Variants in CCSER1 observed in about 807,000 individuals in gnomAD.
CCSER1 encodes serine-rich coiled-coil domain-containing protein 1.
CCSER1 carries 41 observed loss-of-function variants against 82.0 expected under a neutral mutation model. The observed-to-expected ratio is 0.50, with a 90% CI of 0.39 to 0.65. The LOEUF (loss-of-function observed/expected upper bound fraction) is 0.65. Ranked by LOEUF, CCSER1 falls within the 30% of genes least tolerant of loss-of-function variation. The probability of loss-of-function intolerance (pLI) is 0.00; values close to 1 mark genes in which losing one functional copy is unlikely to be tolerated. For missense variants in CCSER1, 1,119 were observed against 1,064.2 expected, an observed-to-expected ratio of 1.05 and a Z score of -0.72; for synonymous variants, 414 against 383.9, an observed-to-expected ratio of 1.08 and a Z score of -0.92.
intron 7 of CCSER1, among the ~76,000 whole-genome samples, chr4:90,730,227 ACAT>A (rs1193674881): frequency 6.6e-6 from 1 of 152,240 alleles, no homozygotes; most frequent in Non-Finnish European, 1.5e-5. Context: ...GACCTTCACA[ACAT>A]CATCTGTTGT....
At chr4:91,453,156 G>A (rs939482832) in intron 10 of CCSER1, among the ~76,000 whole-genome samples, 2 of 151,890 alleles carry the variant, frequency 1.3e-5, no homozygotes, top group South Asian at 4.1e-4. Context: ...GTTTTGTTTG[G>A]TAGTAGTTCA....
chr4:91,400,355 G>T (rs193184068), intron 10 of CCSER1, among the ~76,000 whole-genome samples: 1 of 151,560 alleles, frequency 6.6e-6, no homozygotes, highest in Non-Finnish European at 1.5e-5. Flanking sequence ...GTACTAAGAA[G>T]GGCTCAGATT....
At chr4:90,548,366 A>C (rs1777044455) in intron 5 of CCSER1, among the ~76,000 whole-genome samples, 1 of 152,100 alleles carries the variant, frequency 6.6e-6, no homozygotes, top group Non-Finnish European at 1.5e-5. Context: ...TTCAATCTTT[A>C]GGGCCTACTT....
At chr4:91,589,105 G>C (rs913227432) in intron 10 of CCSER1, among the ~76,000 whole-genome samples, 16 of 151,872 alleles carry the variant, frequency 1.1e-4, no homozygotes, top group African/African-American at 3.4e-4. Context: ...AAAGTAGTTT[G>C]CATTACATTA....
intron 10 of CCSER1, among the ~76,000 whole-genome samples, chr4:91,530,828 C>CA (rs1760993103): frequency 6.6e-6 from 1 of 151,852 alleles, no homozygotes; most frequent in African/African-American, 2.4e-5. Flanking sequence ...GCTGGGATTA[C>CA]AGGCATGCGC....
At chr4:90,818,037 G>A (rs1207752437) in intron 8 of CCSER1, among the ~76,000 whole-genome samples, 1 of 151,730 alleles carries the variant, frequency 6.6e-6, no homozygotes, top group African/African-American at 2.4e-5. Context: ...CTTTCTCATG[G>A]GTTTCTGATT....
chr4:90,753,234 G>A (rs1417402503), intron 7 of CCSER1, among the ~76,000 whole-genome samples: 2 of 152,082 alleles, frequency 1.3e-5, no homozygotes, highest in African/African-American at 4.8e-5. Flanking sequence ...AGATTCCCCT[G>A]TTGCCTCTCT....
At chr4:90,592,502 C>T (rs559876445) in intron 5 of CCSER1, among the ~76,000 whole-genome samples, 166 of 152,198 alleles carry the variant, frequency 1.1e-3, no homozygotes, top group Admixed American at 1.6e-3. Flanking sequence ...AGAATTTGTG[C>T]TCAATTTTGG....
chr4:91,501,087 T>C (rs1759183839), intron 10 of CCSER1, among the ~76,000 whole-genome samples: 1 of 151,882 alleles, frequency 6.6e-6, no homozygotes, highest in African/African-American at 2.4e-5. Context: ...CCCTATATTA[T>C]TAGATGTATA....
chr4:90,306,810 G>A (rs552902668), intron 1 of CCSER1, among the ~76,000 whole-genome samples: 33 of 152,298 alleles, frequency 2.2e-4, no homozygotes, highest in African/African-American at 6.5e-4. Context: ...GGGAGAGATC[G>A]TATTACAGTT....
intron 8 of CCSER1, among the ~76,000 whole-genome samples, chr4:90,870,900 T>C (rs1266407545): frequency 6.6e-6 from 1 of 150,888 alleles, no homozygotes; most frequent in Non-Finnish European, 1.5e-5. Context: ...ATTTTGGTTT[T>C]CTTTATGGCT....
At chr4:91,230,867 C>T (rs1403538646) in intron 10 of CCSER1, among the ~76,000 whole-genome samples, 2 of 151,528 alleles carry the variant, frequency 1.3e-5, no homozygotes, top group African/African-American at 2.4e-5. Flanking sequence ...CATTAGGTTT[C>T]GAATAAAACA....
intron 10 of CCSER1, among the ~76,000 whole-genome samples, chr4:91,380,840 A>G (rs1750829502): frequency 6.6e-6 from 1 of 152,100 alleles, no homozygotes; most frequent in South Asian, 2.1e-4. Context: ...TCTTCCCAGC[A>G]TGAATGTTCT....
intron 10 of CCSER1, among the ~76,000 whole-genome samples, chr4:91,568,213 C>T (rs1188223306): frequency 9.2e-5 from 14 of 151,942 alleles, no homozygotes; most frequent in African/African-American, 2.2e-4. Flanking sequence ...CTGAGAGGTT[C>T]GCTGTTAGCC....
intron 10 of CCSER1, among the ~76,000 whole-genome samples, chr4:91,471,785 C>A (rs1198794506): frequency 1.3e-5 from 2 of 151,826 alleles, no homozygotes; most frequent in Non-Finnish European, 1.5e-5. Flanking sequence ...CTGGCTAATA[C>A]AGTGAAACCT....
chr4:90,731,608 A>G (rs1744760625), intron 7 of CCSER1, among the ~76,000 whole-genome samples: 1 of 152,178 alleles, frequency 6.6e-6, no homozygotes, highest in South Asian at 2.1e-4. Context: ...TAAACCATAC[A>G]ATAGGTATAT....
Position 90,222,471 on chromosome 4 carries a change from G to A in CCSER1, c.-41-85773G>A, listed in dbSNP as rs75476929. ...CTCTTTTAAAGGCAAGTTTGGGCTT[G>A]GCTAGATTTAGGAGTTGCTTTGAAA... On this transcript the variant is annotated intron_variant, in intron 1 of 10. Transcript: ENST00000509176. Among the ~76,000 whole-genome samples, 3 of 152,226 alleles carry A rather than the reference G, an allele frequency of 2.0e-5. No individual in the cohort carries two copies. In the East Asian group the frequency reaches 5.8e-4, roughly 29 times the overall value.
chr4:91,359,917 G>A (rs1749137982), intron 10 of CCSER1, among the ~76,000 whole-genome samples: 1 of 151,778 alleles, frequency 6.6e-6, no homozygotes, highest in African/African-American at 2.4e-5. Context: ...ACAGTGCCAA[G>A]TGTGACTTGC....
intron 6 of CCSER1, among the ~76,000 whole-genome samples, chr4:90,710,604 T>C (rs1740402557): frequency 6.6e-6 from 1 of 152,168 alleles, no homozygotes; most frequent in Non-Finnish European, 1.5e-5. Context: ...CCCCATTACT[T>C]GTTTTTGTCA....
Sources: gnomAD v4.1 joint callset for allele counts (sites outside exome capture counted in the v4.1 genomes callset) on GRCh38, gnomAD v4.1.1 for gene constraint, MANE v1.5 for transcripts, NCBI Gene and HGNC (gene_info 2026-07-23, HGNC 2026-07-21) for gene names.